The following TNS1 variants were observed in gnomAD, a reference collection of about 807,000 sequenced individuals.
TNS1 encodes the protein tensin-1.
TNS1 carries 62 observed loss-of-function variants against 168.6 expected under a neutral mutation model. The ratio of observed to expected loss-of-function variants is 0.37; its 90% CI spans 0.30 to 0.45. TNS1 has a LOEUF of 0.45. Among genes scored for constraint, TNS1 ranks in the 20% least tolerant of loss-of-function variants. TNS1 has a pLI of 1.00. For missense variants in TNS1, 2,240 were observed against 2,339.4 expected (o/e 0.96, Z 0.88); for synonymous variants, 934 against 933.2 (o/e 1.00, Z -0.02).
upstream of TNS1, among the ~76,000 whole-genome samples, chr2:218,003,740 T>C (rs748916731): frequency 6.6e-6 from 1 of 151,866 alleles, no homozygotes; most frequent in Non-Finnish European, 1.5e-5. Context: ...TTCTTGACTG[T>C]ACCCGGGGCC....
chr2:217,973,367 GAAAAAA>G (rs58463140), intron 3 of TNS1, among the ~76,000 whole-genome samples: 1,259 of 93,580 alleles, frequency 0.013, 24 homozygotes, highest in African/African-American at 0.047. Flanking sequence ...TCCTGTCTCT[GAAAAAA>G]AAAAAAAAAA....
intron 3 of TNS1, among the ~76,000 whole-genome samples, chr2:217,936,196 T>C (rs571805465): frequency 1.3e-4 from 19 of 149,010 alleles, no homozygotes; most frequent in Middle Eastern, 3.4e-3. Flanking sequence ...TCCTGTTCGT[T>C]CATTCATTCA....
intron 17 of TNS1, chr2:217,881,554 C>G (rs2888521): frequency 6.5e-6 from 1 of 153,424 alleles, no homozygotes; most frequent in Admixed American, 6.4e-5. Flanking sequence ...CTAGGGGGCA[C>G]GGCAGAATCT....
chr2:217,936,956 G>A (rs373912345), intron 3 of TNS1: 13 of 456,658 alleles, frequency 2.8e-5, no homozygotes, highest in African/African-American at 1.0e-4. Context: ...GGAGACCCAC[G>A]CTTGTTATTT....
At chr2:217,820,153 G>A (rs1324760736) in intron 23 of TNS1, among the ~76,000 whole-genome samples, 2 of 152,158 alleles carry the variant, frequency 1.3e-5, no homozygotes, top group Non-Finnish European at 2.9e-5. Context: ...GGTGAGAGAA[G>A]GAGACACTAA....
chr2:217,891,652 C>G (rs1047149542), intron 11 of TNS1, among the ~76,000 whole-genome samples: 1 of 152,250 alleles, frequency 6.6e-6, no homozygotes, highest in Non-Finnish European at 1.5e-5. Context: ...TCACGAAGCT[C>G]CAGTGACTTC....
intron 2 of TNS1, among the ~76,000 whole-genome samples, chr2:217,989,513 C>A (rs1018089901): frequency 6.6e-6 from 1 of 151,992 alleles, no homozygotes; most frequent in African/African-American, 2.4e-5. Context: ...GATGGGGCAA[C>A]GGGGTGAGTG....
chr2:217,990,934 C>T lies in TNS1; in HGVS notation c.148+8G>A, dbSNP rs902442208. On this transcript the variant is annotated splice_region_variant and intron_variant, in intron 2 of 32. Transcript: ENST00000682258. The stretch of plus-strand genomic sequence containing the variant: ...CTCCCATCCCCCACAGCCCAGACCG[C>T]TGCTCACCTTTGCAGGTGCAGCCTT... 10 of 649,418 alleles carry T rather than the reference C, an allele frequency of 1.5e-5. No homozygotes were observed. The African/African-American group carries it at 1.8e-4, about 12-fold the overall frequency. 40.2% of individuals were successfully genotyped at this position (649,418 alleles called of 1,614,324 possible). A position where few individuals can be genotyped will look rare whatever the true frequency, so the allele number is the denominator to read the frequency against.
intron 18 of TNS1, among the ~76,000 whole-genome samples, chr2:217,869,606 G>A (rs1256443042): frequency 6.6e-6 from 1 of 152,194 alleles, no homozygotes; most frequent in Non-Finnish European, 1.5e-5. Context: ...ACATGGGGAG[G>A]AGGTGAGGAA....
intron 32 of TNS1, among the ~76,000 whole-genome samples, chr2:217,806,985 T>C (rs886688477): frequency 6.6e-6 from 1 of 152,230 alleles, no homozygotes; most frequent in African/African-American, 2.4e-5. Flanking sequence ...TCCTTAAATA[T>C]CTGCTCTTTC....
chr2:217,947,255 T>A (rs926467086), intron 3 of TNS1, among the ~76,000 whole-genome samples: 4 of 150,668 alleles, frequency 2.7e-5, no homozygotes, highest in Admixed American at 6.6e-5. Flanking sequence ...TAAAACTGAA[T>A]AATACCAGCC....
intron 22 of TNS1, among the ~76,000 whole-genome samples, chr2:217,828,763 C>T (rs889459021): frequency 2.6e-5 from 4 of 152,188 alleles, no homozygotes; most frequent in South Asian, 2.1e-4. Context: ...TTCAGAATTA[C>T]GTGCATGGGA....
At chr2:217,889,245 G>A (rs1310113701) in intron 12 of TNS1, among the ~76,000 whole-genome samples, 3 of 152,244 alleles carry the variant, frequency 2.0e-5, no homozygotes, top group Non-Finnish European at 2.9e-5. Flanking sequence ...CAACTATAAG[G>A]TGCTGGGTTA....
intron 4 of TNS1, among the ~76,000 whole-genome samples, chr2:217,909,519 G>A (rs566514936): frequency 9.7e-4 from 147 of 151,718 alleles, no homozygotes; most frequent in African/African-American, 3.3e-3. Flanking sequence ...TCTCAAACTT[G>A]AACATGCATA....
intron 4 of TNS1, among the ~76,000 whole-genome samples, chr2:217,911,966 A>C (rs1204945259): frequency 2.0e-5 from 3 of 152,278 alleles, no homozygotes; most frequent in African/African-American, 7.2e-5. Context: ...ATCAGACAAC[A>C]GAGAGAACTT....
intron 32 of TNS1, among the ~76,000 whole-genome samples, chr2:217,806,442 T>C (rs1330430048): frequency 6.6e-6 from 1 of 152,100 alleles, no homozygotes; most frequent in African/African-American, 2.4e-5. Context: ...CATCAAAGCT[T>C]CTTCAGCAGG....
At chr2:217,999,446 C>T (rs1208568405) in intron 1 of TNS1, among the ~76,000 whole-genome samples, 1 of 152,210 alleles carries the variant, frequency 6.6e-6, no homozygotes, top group Non-Finnish European at 1.5e-5. Context: ...GTGACAGGCC[C>T]GGGATCCAGC....
chr2:218,030,786 T>C (rs1363191214), intron 1 of TNS1, among the ~76,000 whole-genome samples: 1 of 152,180 alleles, frequency 6.6e-6, no homozygotes, highest in Middle Eastern at 3.2e-3. Context: ...GGTGGATAAA[T>C]CAGGGCTATA....
At chr2:217,826,453 T>C (rs1943631531) in intron 22 of TNS1, among the ~76,000 whole-genome samples, 1 of 152,148 alleles carries the variant, frequency 6.6e-6, no homozygotes, top group Non-Finnish European at 1.5e-5. Flanking sequence ...CTAGAGACTT[T>C]CTGGGACTCC....
Sources: allele counts gnomAD v4.1 joint callset (sites outside exome capture counted in the v4.1 genomes callset), GRCh38; gene constraint gnomAD v4.1.1; transcripts MANE v1.5; gene names NCBI Gene and HGNC (gene_info 2026-07-23, HGNC 2026-07-21).